VWA3A: variants seen among roughly 807,000 people sequenced by gnomAD.
VWA3A encodes von Willebrand factor A domain-containing protein 3A.
In VWA3A, 134 loss-of-function variants were observed where a neutral mutation model predicts 160.4. The ratio of observed to expected loss-of-function variants is 0.84; its 90% confidence interval spans 0.73 to 0.96. The LOEUF (loss-of-function observed/expected upper bound fraction) is 0.96. VWA3A is among the 40% of genes least tolerant of loss of function. The pLI is 0.00. For missense variants in VWA3A, 1,310 were observed against 1,447.9 expected, an observed-to-expected ratio of 0.90 and a Z score of 1.55; for synonymous variants, 476 against 543.4, an observed-to-expected ratio of 0.88 and a Z score of 1.72.
chr16:22,105,410 G>T (rs2045469794), intron 6 of VWA3A, among the ~76,000 whole-genome samples: 1 of 152,174 alleles, frequency 6.6e-6, no homozygotes, highest in Non-Finnish European at 1.5e-5. Flanking sequence ...GATAATCGCT[G>T]GTCCCTGTTC....
chr16:22,119,656 C>T (rs760600127), intron 12 of VWA3A, among the ~76,000 whole-genome samples: 25 of 152,236 alleles, frequency 1.6e-4, no homozygotes, highest in Admixed American at 3.3e-4. Flanking sequence ...GGCAACAGAG[C>T]GAGGCCCTGT....
chr16:22,120,391 G>T (rs1376173433), intron 12 of VWA3A, among the ~76,000 whole-genome samples: 1 of 151,858 alleles, frequency 6.6e-6, no homozygotes, highest in African/African-American at 2.4e-5. Flanking sequence ...ATTGTGAAAG[G>T]GATTGAATTT....
At chr16:22,138,291 CTGTGTG>C (rs35642540) in intron 21 of VWA3A, 63 bp from the exon 22 acceptor site, 89 of 1,357,050 alleles carry the variant, frequency 6.6e-5, no homozygotes, top group East Asian at 2.1e-4. Context: ...GTCCCTCCTG[CTGTGTG>C]TGTGTGTGTG....
At chr16:22,143,999 G>T (rs944700878) in intron 25 of VWA3A, among the ~76,000 whole-genome samples, 1 of 151,918 alleles carries the variant, frequency 6.6e-6, no homozygotes, top group Non-Finnish European at 1.5e-5. Context: ...ACCGCTGTCA[G>T]CCTCCCAAAG....
intron 26 of VWA3A, among the ~76,000 whole-genome samples, chr16:22,145,280 G>A (rs2046227788): frequency 6.6e-6 from 1 of 152,108 alleles, no homozygotes; most frequent in Non-Finnish European, 1.5e-5. Flanking sequence ...TCCACCTGAA[G>A]TCATCTTTCA....
intron 3 of VWA3A, among the ~76,000 whole-genome samples, chr16:22,098,911 CAAAAAAAAAAAAAAAA>C (rs900328333): frequency 4.9e-5 from 2 of 41,030 alleles, no homozygotes; most frequent in Admixed American, 3.2e-4. Context: ...CCTGTTTCCA[CAAAAAAAAAAAAAAAA>C]AAAAAAAAAA....
At chr16:22,124,536 T>A (rs1248886105) in intron 16 of VWA3A, among the ~76,000 whole-genome samples, 1 of 94,470 alleles carries the variant, frequency 1.1e-5, no homozygotes, top group Non-Finnish European at 1.9e-5. Flanking sequence ...ACATCTATTA[T>A]TATTATTATT....
chr16:22,138,393 T>C lies in VWA3A; in HGVS notation c.2173T>C (p.Ser725Pro). ...AFLMASLKNH[S>P]GKVLGSSALP... ...CCTCATGGCCTCCCTGAAGAACCAT[T>C]CAGGAAAAGTACTGGGAAGTTCAGC... Residue 725 changes from serine to proline, a missense_variant, in exon 22 of 34, where the codon TCA becomes CCA. By Grantham distance (74) the Ser-to-Pro change is moderately conservative. Transcript: ENST00000389398. 2 of 1,606,590 alleles carry C rather than the reference T, an allele frequency of 1.2e-6. No individual in the cohort carries two copies. Among genetic ancestry groups the C allele is most frequent in the Admixed American group, 3.4e-5 (2 of 58,612 alleles).
rs1222836085 is a variant in VWA3A at position 22,100,460 on chromosome 16, A to T, written c.395A>T (p.Gln132Leu). ...NVVQKICFST[Q>L]IIRHFESKLS... The stretch of plus-strand genomic sequence containing the variant: ...GTGCAGAAAATATGTTTCTCCACCC[A>T]GATCATCCGCCATTTTGAGTCAAAG... The change falls in exon 5 of 34, where the codon CAG (glutamine) becomes CTG (leucine). Residue 132 changes from glutamine (Q) to leucine (L), a missense_variant. Transcript: ENST00000389398. 6 of 1,551,660 alleles carry T rather than the reference A, an allele frequency of 3.9e-6. No individual in the cohort carries two copies. The highest frequency in any genetic ancestry group is 2.0e-5 in the Admixed American group (1 of 51,000).
At chr16:22,119,529 G>A (rs2045699545) in intron 12 of VWA3A, among the ~76,000 whole-genome samples, 1 of 152,156 alleles carries the variant, frequency 6.6e-6, no homozygotes, top group Admixed American at 6.5e-5. Flanking sequence ...AAATTAGCCA[G>A]GCACGATGGC....
chr16:22,151,940 G>A (rs926492808), intron 30 of VWA3A, among the ~76,000 whole-genome samples: 5 of 152,070 alleles, frequency 3.3e-5, no homozygotes, highest in African/African-American at 4.8e-5. Flanking sequence ...TGAGCACGAC[G>A]GCTCATGACT....
At chr16:22,115,281 A>G in intron 8 of VWA3A, 66 bp from the exon 9 acceptor site, 1 of 1,483,984 alleles carries the variant, frequency 6.7e-7, no homozygotes, top group Non-Finnish European at 9.0e-7. Context: ...ATCTCTAAAA[A>G]GAAATTAAAA....
chr16:22,154,026 G>A (rs1281924148), intron 31 of VWA3A, among the ~76,000 whole-genome samples: 3 of 152,064 alleles, frequency 2.0e-5, no homozygotes, highest in African/African-American at 7.2e-5. Context: ...GGTGTGAACC[G>A]TCAGGCTCGG....
intron 28 of VWA3A, among the ~76,000 whole-genome samples, chr16:22,149,339 A>G (rs910267927): frequency 6.6e-6 from 1 of 152,136 alleles, no homozygotes; most frequent in Non-Finnish European, 1.5e-5. Context: ...TCCTGGGCTC[A>G]AGTGATCTCC....
At chr16:22,118,293 C>A (rs1013235086) in intron 11 of VWA3A, among the ~76,000 whole-genome samples, 2 of 151,710 alleles carry the variant, frequency 1.3e-5, no homozygotes, top group Non-Finnish European at 2.9e-5. Context: ...AAAATAATAA[C>A]AAAATAAATA....
rs747770335 is a variant in VWA3A, at chr16:22,154,960, C to CAAAAAAAAAA, written c.3406-579_3406-570dup. ...TGGGCGACAGAGCGAGACTCCGTCT[C>CAAAAAAAAAA]AAAAAAAAAAAAAAAAAAAAAAAAA... is the stretch of plus-strand genomic sequence containing the variant. On this transcript the variant is annotated intron_variant, in intron 31 of 33. Transcript: ENST00000389398. 5.7e-4 allele frequency among the ~76,000 whole-genome samples: 31 copies of CAAAAAAAAAA among 54,430 alleles called. 1 individual carries two copies. Among genetic ancestry groups the CAAAAAAAAAA allele is most frequent in the African/African-American group, 1.1e-3 (18 of 16,492 alleles). 35.7% of individuals were successfully genotyped at this position (54,430 alleles called of 152,430 possible).
At chr16:22,116,335 A>T in intron 9 of VWA3A, 2 of 440,062 alleles carry the variant, frequency 4.5e-6, no homozygotes, top group Non-Finnish European at 8.9e-6. Flanking sequence ...GATGGAAGAG[A>T]GAGAAAGAAA....
intron 26 of VWA3A, 91 bp from the exon 27 acceptor site, chr16:22,146,145 A>T: frequency 1.9e-6 from 2 of 1,060,546 alleles, no homozygotes; most frequent in Middle Eastern, 2.1e-4. Flanking sequence ...AGAATTGTTA[A>T]CCACAATGGA....
intron 8 of VWA3A, 129 bp downstream of exon 8, chr16:22,111,123 C>T: frequency 1.3e-6 from 1 of 749,616 alleles, no homozygotes; most frequent in Non-Finnish European, 2.0e-6. Context: ...AAAGAGACAA[C>T]TCACAAAAGC....
Sources: allele counts gnomAD v4.1 joint callset (sites outside exome capture counted in the v4.1 genomes callset), GRCh38; gene constraint gnomAD v4.1.1; transcripts MANE v1.5; gene names NCBI Gene and HGNC (gene_info 2026-07-23, HGNC 2026-07-21).